NCOA2: variants seen among roughly 807,000 people sequenced by gnomAD.
NCOA2 encodes the protein nuclear receptor coactivator 2.
A neutral mutation model predicts 145.1 loss-of-function variants in NCOA2; 21 were observed. The ratio of observed to expected loss-of-function variants is 0.14; its 90% CI spans 0.10 to 0.21. The LOEUF is 0.21. NCOA2 is among the 10% of genes least tolerant of loss of function. The pLI is 1.00. For synonymous variants in NCOA2, 619 were observed against 637.5 expected, an observed-to-expected ratio of 0.97 and a Z score of 0.44; for missense variants, 1,472 against 1,837.6, an observed-to-expected ratio of 0.80 and a Z score of 3.64.
the NCOA2 span, among the ~76,000 whole-genome samples, chr8:70,447,607 T>G: frequency 6.6e-6 from 1 of 152,070 alleles, no homozygotes; most frequent in Non-Finnish European, 1.5e-5. Context: ...AATCCCTGGT[T>G]GATAGTTAAT....
At position 70,156,498 on chromosome 8, in the gene NCOA2, T is replaced by C. The variant is rs540889522; in HGVS notation, c.1867A>G (p.Ser623Gly). 2 of 1,613,902 alleles carry C rather than the reference T, an allele frequency of 1.2e-6. No homozygotes were observed. The highest frequency in any genetic ancestry group is 2.2e-5 in the South Asian group (2 of 91,080). Residue 623 changes from serine (S) to glycine (G), a missense_variant, in exon 11 of 23, where the codon AGT (serine) becomes GGT (glycine). This residue lies in a region of NCOA2 where 953 missense variants were observed against 1,062.1 expected (regional missense o/e 0.90). Transcript: ENST00000452400. ...CTGCTCTGCCCGTCAGCTCTCTCAC[T>C]GCTCACGGCCGGGGGCAGGTTGGGG... The part of the protein sequence containing the change: ...NDPNLPPAVS[S>G]ERADGQSRLH...
chr8:70,333,092 C>T (rs1335822914), intron 1 of NCOA2, among the ~76,000 whole-genome samples: 1 of 152,154 alleles, frequency 6.6e-6, no homozygotes, highest in Non-Finnish European at 1.5e-5. Context: ...ATTTCATTTT[C>T]CAAATTCCAT....
At chr8:70,225,236 T>C (rs544562002) in intron 2 of NCOA2, among the ~76,000 whole-genome samples, 9 of 151,940 alleles carry the variant, frequency 5.9e-5, no homozygotes, top group African/African-American at 2.2e-4. Context: ...CCACATCAGA[T>C]AGTGATTAGA....
the NCOA2 span, among the ~76,000 whole-genome samples, chr8:70,423,639 A>G: frequency 2.6e-5 from 4 of 152,174 alleles, no homozygotes; most frequent in Non-Finnish European, 5.9e-5. Context: ...AGAGAACATG[A>G]CCGAAGGCTG....
At chr8:70,154,653 T>C (rs1437665443) in intron 11 of NCOA2, among the ~76,000 whole-genome samples, 1 of 152,222 alleles carries the variant, frequency 6.6e-6, no homozygotes, top group Admixed American at 6.5e-5. Context: ...GTCCTCCACC[T>C]TGGCCTCCCA....
the NCOA2 span, among the ~76,000 whole-genome samples, chr8:70,454,484 C>T: frequency 6.6e-6 from 1 of 152,166 alleles, no homozygotes; most frequent in Non-Finnish European, 1.5e-5. Context: ...GTCCCTAACT[C>T]CTAAAAATCT....
intron 1 of NCOA2, among the ~76,000 whole-genome samples, chr8:70,354,921 T>C (rs2130888695): frequency 6.6e-6 from 1 of 152,314 alleles, no homozygotes; most frequent in East Asian, 1.9e-4. Context: ...AATGAATTTA[T>C]TTATGGGAAA....
intron 1 of NCOA2, among the ~76,000 whole-genome samples, chr8:70,378,743 T>TAAAA (rs10672044): frequency 0.055 from 6,009 of 109,582 alleles, 180 homozygotes; most frequent in South Asian, 0.086. Flanking sequence ...TAGGCTATGC[T>TAAAA]AAAAAAAAAA....
chr8:70,281,052 T>C (rs1825834796), intron 2 of NCOA2, among the ~76,000 whole-genome samples: 1 of 151,958 alleles, frequency 6.6e-6, no homozygotes, highest in Admixed American at 6.6e-5. Context: ...GAACCAGTTA[T>C]TAAAATTTAG....
chr8:70,130,162 A>G (rs559472189), intron 16 of NCOA2, among the ~76,000 whole-genome samples: 2 of 152,358 alleles, frequency 1.3e-5, no homozygotes, highest in Non-Finnish European at 2.9e-5. Context: ...GAAACCACTC[A>G]TTGCTGAATT....
intron 1 of NCOA2, among the ~76,000 whole-genome samples, chr8:70,368,388 T>A (rs949676895): frequency 7.9e-5 from 12 of 152,100 alleles, no homozygotes; most frequent in African/African-American, 2.7e-4. Context: ...GAGGGAGGAA[T>A]GAAAGCAGAG....
Position 70,162,752 on chromosome 8 carries a change from T to C in NCOA2, c.935A>G (p.Glu312Gly). 6.2e-7 allele frequency: 1 copy of C among 1,613,928 alleles called. No homozygotes were observed. The highest frequency in any genetic ancestry group is 8.5e-7 in the Non-Finnish European group (1 of 1,179,842). Residue 312 changes from glutamate (E) to glycine (G), a missense_variant, in exon 9 of 23, where the codon GAA becomes GGA. Physicochemically the swap from Glu to Gly is moderately conservative, Grantham distance 98. Transcript: ENST00000452400. ...RCIQKFHAQH[E>G]GESVSYAKRH... is the part of the protein sequence containing the mutation. Reference sequence around the variant, plus strand: ...CTTAGCATAGGACACAGATTCTCCTTCATGCTGCGCATGGAACTTCTGAAT... The same window carrying C: ...CTTAGCATAGGACACAGATTCTCCTCCATGCTGCGCATGGAACTTCTGAAT...
At chr8:70,216,381 A>G (rs1586137041) in intron 3 of NCOA2, among the ~76,000 whole-genome samples, 1 of 152,214 alleles carries the variant, frequency 6.6e-6, no homozygotes, top group East Asian at 1.9e-4. Flanking sequence ...TCTTCTTGTT[A>G]TAATATTGTG....
At chr8:70,136,374 C>A (rs145444380) in intron 15 of NCOA2, among the ~76,000 whole-genome samples, 145 of 152,046 alleles carry the variant, frequency 9.5e-4, no homozygotes, top group African/African-American at 3.1e-3. Context: ...AACAAAAAAA[C>A]CAAACAAAAA....
chr8:70,170,421 T>A, intron 5 of NCOA2, 42 bp from the exon 6 acceptor site: 2 of 1,447,010 alleles, frequency 1.4e-6, no homozygotes, highest in Non-Finnish European at 1.9e-6. Context: ...GGATGCAACA[T>A]AACATCACAT....
intron 4 of NCOA2, among the ~76,000 whole-genome samples, chr8:70,197,518 C>T (rs1376652496): frequency 6.6e-6 from 1 of 152,224 alleles, no homozygotes; most frequent in Non-Finnish European, 1.5e-5. Flanking sequence ...GAGAGCCCCA[C>T]AACGACAGGG....
intron 1 of NCOA2, among the ~76,000 whole-genome samples, chr8:70,362,996 T>A (rs1810349703): frequency 6.7e-6 from 1 of 149,490 alleles, no homozygotes; most frequent in African/African-American, 2.5e-5. Context: ...GAGGATCACC[T>A]GAGCCCGGAG....
chr8:70,301,541 G>A (rs1209312150), intron 1 of NCOA2, among the ~76,000 whole-genome samples: 1 of 150,474 alleles, frequency 6.6e-6, no homozygotes, highest in Admixed American at 6.7e-5. Flanking sequence ...TGTAGTCTCA[G>A]ATACTCATGA....
chr8:70,167,575 T>C (rs764625218), intron 6 of NCOA2, among the ~76,000 whole-genome samples: 30 of 152,224 alleles, frequency 2.0e-4, no homozygotes, highest in Non-Finnish European at 3.7e-4. Flanking sequence ...GTTTATAACT[T>C]TGTTTTTCCT....
Sources: gnomAD v4.1 joint callset for allele counts (sites outside exome capture counted in the v4.1 genomes callset) on GRCh38, gnomAD v4.1.1 for gene constraint, gnomAD v4.1.1 regional missense constraint, MANE v1.5 for transcripts, NCBI Gene and HGNC (gene_info 2026-07-23, HGNC 2026-07-21) for gene names.